CAMK1D: variants seen among roughly 807,000 people sequenced by gnomAD.
CAMK1D encodes calcium/calmodulin dependent protein kinase ID.
CAMK1D carries 9 observed loss-of-function variants against 47.7 expected under a neutral mutation model. The observed-to-expected ratio is 0.19, with a 90% CI of 0.11 to 0.33. The LOEUF (loss-of-function observed/expected upper bound fraction) is 0.33, where lower values mean the gene tolerates loss of function less well. Ranked by LOEUF, CAMK1D falls within the 10% of genes least tolerant of loss-of-function variation. CAMK1D has a pLI of 1.00. For missense variants in CAMK1D, 291 were observed against 488.7 expected (o/e 0.60, Z 3.81); for synonymous variants, 184 against 184.9 (o/e 0.99, Z 0.04).
chr10:12,470,493 A>G (rs1453891730), intron 1 of CAMK1D, among the ~76,000 whole-genome samples: 20 of 151,472 alleles, frequency 1.3e-4, no homozygotes, highest in East Asian at 1.9e-4. Flanking sequence ...AATACTGTGT[A>G]TGCTTCTTCT....
At chr10:12,445,997 G>A (rs6602588) in intron 1 of CAMK1D, among the ~76,000 whole-genome samples, 102,736 of 152,090 alleles carry the variant, frequency 0.68, 35,019 homozygotes, top group African/African-American at 0.77. Flanking sequence ...ATTCTGTGTG[G>A]GAGGCACCTG....
chr10:12,368,242 CA>C (rs1837905935), intron 1 of CAMK1D, among the ~76,000 whole-genome samples: 1 of 151,620 alleles, frequency 6.6e-6, no homozygotes, highest in Non-Finnish European at 1.5e-5. Context: ...TGTCCGGGCA[CA>C]GTGGCTCATG....
At position 12,741,587 on chromosome 10, in the gene CAMK1D, A is replaced by G. The variant is rs1177274471; in HGVS notation, c.300-19361A>G. On this transcript the variant is annotated intron_variant, in intron 3 of 10. Coordinates refer to ENST00000619168, the MANE Select transcript of CAMK1D (RefSeq NM_153498.4). ...GAACCTTTTGGTTTTCTTATTTCTT[A>G]TGAAACATGTTCAGCATTTACAAAT... Among the ~76,000 whole-genome samples the G allele has an allele frequency of 2.0e-5, 3 of 152,136 alleles. No individual in the cohort carries two copies. In the East Asian group the frequency reaches 5.8e-4, roughly 29 times the overall value.
At chr10:12,574,209 C>T (rs1837418644) in intron 2 of CAMK1D, among the ~76,000 whole-genome samples, 1 of 152,200 alleles carries the variant, frequency 6.6e-6, no homozygotes, top group Admixed American at 6.5e-5. Context: ...CACTTCTTGA[C>T]CACCAACCCC....
chr10:12,500,181 G>A (rs1176123295), intron 1 of CAMK1D, among the ~76,000 whole-genome samples: 1 of 152,122 alleles, frequency 6.6e-6, no homozygotes, highest in African/African-American at 2.4e-5. Flanking sequence ...CAAGAGAATC[G>A]CTTGAACCTG....
chr10:12,736,111 A>G (rs1011233648), intron 3 of CAMK1D, among the ~76,000 whole-genome samples: 1 of 152,212 alleles, frequency 6.6e-6, no homozygotes, highest in Non-Finnish European at 1.5e-5. Context: ...AATTTCCATG[A>G]TGGCGCCAAA....
chr10:12,604,375 G>A lies in CAMK1D; in HGVS notation c.224+51019G>A, dbSNP rs543614273. ...GCCAGCGTCTTTGAAGCTGACAGGC[G>A]TTAATAAGGAATCAGATAAACAGGG... is the stretch of plus-strand genomic sequence containing the variant. On this transcript the variant is annotated intron_variant, in intron 2 of 10. Transcript: ENST00000619168. 5.9e-5 allele frequency among the ~76,000 whole-genome samples: 9 copies of A among 152,274 alleles called. No homozygotes were observed. The East Asian group carries it at 9.6e-4, about 16-fold the overall frequency.
At chr10:12,719,900 G>A (rs1030969252) in intron 3 of CAMK1D, among the ~76,000 whole-genome samples, 19 of 152,228 alleles carry the variant, frequency 1.2e-4, no homozygotes, top group Non-Finnish European at 1.8e-4. Flanking sequence ...GGACAGTTGC[G>A]AGCAATCCAG....
At chr10:12,803,650 A>G (rs1271345343) in intron 6 of CAMK1D, among the ~76,000 whole-genome samples, 2 of 151,866 alleles carry the variant, frequency 1.3e-5, no homozygotes, top group Non-Finnish European at 2.9e-5. Context: ...GGGAGACTCC[A>G]TCTCAAAAAT....
At chr10:12,819,715 C>T (rs531825421) in intron 8 of CAMK1D, among the ~76,000 whole-genome samples, 2 of 152,260 alleles carry the variant, frequency 1.3e-5, no homozygotes, top group Admixed American at 1.3e-4. Context: ...AGGCAGGGTG[C>T]TGAGGTTTGA....
intron 3 of CAMK1D, among the ~76,000 whole-genome samples, chr10:12,756,615 G>C (rs1261005019): frequency 6.6e-6 from 1 of 152,180 alleles, no homozygotes; most frequent in Non-Finnish European, 1.5e-5. Flanking sequence ...TACTGTCTTA[G>C]GCAAGGAAGA....
chr10:12,461,449 G>C (rs940630612), intron 1 of CAMK1D, among the ~76,000 whole-genome samples: 1 of 152,122 alleles, frequency 6.6e-6, no homozygotes, highest in African/African-American at 2.4e-5. Context: ...CCAGCACCTT[G>C]GGAAGCCGAG....
chr10:12,626,067 C>T (rs1414898043), intron 2 of CAMK1D, among the ~76,000 whole-genome samples: 2 of 152,086 alleles, frequency 1.3e-5, no homozygotes, highest in East Asian at 3.8e-4. Context: ...TCTTTAATTC[C>T]TTTTCTCTGA....
At chr10:12,776,868 TAC>T (rs1258593305) in intron 5 of CAMK1D, among the ~76,000 whole-genome samples, 1 of 152,204 alleles carries the variant, frequency 6.6e-6, no homozygotes, top group Non-Finnish European at 1.5e-5. Context: ...GACCCTCGTT[TAC>T]AGTCTGAGCT....
At chr10:12,688,099 T>G (rs1465006737) in intron 3 of CAMK1D, among the ~76,000 whole-genome samples, 1 of 152,240 alleles carries the variant, frequency 6.6e-6, no homozygotes, top group Non-Finnish European at 1.5e-5. Context: ...TAATGCAGGC[T>G]CTGCTGACAA....
chr10:12,607,697 A>G lies in CAMK1D; in HGVS notation c.224+54341A>G, dbSNP rs76414312. 3.7e-3 allele frequency among the ~76,000 whole-genome samples: 568 copies of G among 152,330 alleles called. 4 individuals carry two copies. The East Asian group carries it at 0.052, about 14-fold the overall frequency. Reference sequence around the variant, plus strand: ...AATAGGGCACCTGGTGCAGTGGATCACACTTGTAATCCCAGCACTCTGGGA... The same window carrying G: ...AATAGGGCACCTGGTGCAGTGGATCGCACTTGTAATCCCAGCACTCTGGGA... On this transcript the variant is annotated intron_variant, in intron 2 of 10. Coordinates refer to ENST00000619168, the MANE Select transcript of CAMK1D (RefSeq NM_153498.4).
At chr10:12,807,823 C>T (rs1046345133) in intron 6 of CAMK1D, among the ~76,000 whole-genome samples, 1 of 152,184 alleles carries the variant, frequency 6.6e-6, no homozygotes, top group Non-Finnish European at 1.5e-5. Context: ...CCTGTCTCCT[C>T]TGGCTGCAGC....
chr10:12,408,758 C>T (rs574322972), intron 1 of CAMK1D, among the ~76,000 whole-genome samples: 1 of 152,034 alleles, frequency 6.6e-6, no homozygotes, highest in African/African-American at 2.4e-5. Flanking sequence ...GATGTGCCCA[C>T]GTGTTGGCAT....
At chr10:12,734,397 T>TAG (rs1835060607) in intron 3 of CAMK1D, among the ~76,000 whole-genome samples, 1 of 28,044 alleles carries the variant, frequency 3.6e-5, no homozygotes, top group Admixed American at 5.7e-4. Context: ...TATAGATATA[T>TAG]ATATATATAC....
Sources: allele counts gnomAD v4.1 joint callset (sites outside exome capture counted in the v4.1 genomes callset), GRCh38; gene constraint gnomAD v4.1.1; transcripts MANE v1.5; gene names NCBI Gene and HGNC (gene_info 2026-07-23, HGNC 2026-07-21).